Variants in EPHA6 observed in about 807,000 individuals in gnomAD.
EPHA6 encodes ephrin type-A receptor 6.
A neutral mutation model predicts 112.0 loss-of-function variants in EPHA6; 50 were observed. The ratio of observed to expected loss-of-function variants is 0.45; its 90% confidence interval spans 0.36 to 0.56. EPHA6 has a LOEUF of 0.56. EPHA6 is among the 20% of genes least tolerant of loss of function. The pLI, the probability that EPHA6 is intolerant of heterozygous loss-of-function variation, is 0.00. For synonymous variants in EPHA6, 529 were observed against 490.7 expected (o/e 1.08, Z -1.03); for missense variants, 1,280 against 1,417.4 (o/e 0.90, Z 1.56).
At chr3:97,129,286 T>G (rs1477796116) in intron 3 of EPHA6, among the ~76,000 whole-genome samples, 1 of 151,636 alleles carries the variant, frequency 6.6e-6, no homozygotes, top group Non-Finnish European at 1.5e-5. Context: ...GATCACGAGA[T>G]CAGGAGATCG....
intron 3 of EPHA6, among the ~76,000 whole-genome samples, chr3:97,085,736 T>G (rs1231519773): frequency 6.6e-6 from 1 of 151,982 alleles, no homozygotes; most frequent in African/African-American, 2.4e-5. Flanking sequence ...ACTGTACTAT[T>G]TATCTTAGGG....
chr3:97,027,700 A>G (rs910903539), intron 3 of EPHA6, among the ~76,000 whole-genome samples: 2 of 152,224 alleles, frequency 1.3e-5, no homozygotes, highest in Admixed American at 6.5e-5. Context: ...TTAATGCTTT[A>G]TAACAGTCTC....
intron 5 of EPHA6, among the ~76,000 whole-genome samples, chr3:97,358,514 A>T (rs1200535379): frequency 2.0e-5 from 3 of 152,312 alleles, no homozygotes; most frequent in East Asian, 3.9e-4. Flanking sequence ...CAATTGTACT[A>T]TCTTTTAGAG....
chr3:97,307,010 A>T (rs77545163), intron 5 of EPHA6, among the ~76,000 whole-genome samples: 2,098 of 151,822 alleles, frequency 0.014, 47 homozygotes, highest in African/African-American at 0.047. Context: ...TGTTGGTGAC[A>T]GTTGCCTAAT....
rs1015109444 is a variant in EPHA6 at position 97,751,839 on chromosome 3, G to C, written c.*3138G>C. ...TGTCTTGATCTATGCTACTGAGGGG[G>C]TGTTTTGGATTTTAAAACCAGACAG... On this transcript the variant is annotated 3_prime_UTR_variant, in exon 18 of 18. Transcript: ENST00000389672. Among the ~76,000 whole-genome samples, 11 of 152,058 alleles carry C rather than the reference G, an allele frequency of 7.2e-5. No homozygotes were observed. Among genetic ancestry groups the C allele is most frequent in the African/African-American group, 2.7e-4 (11 of 41,432 alleles).
intron 6 of EPHA6, among the ~76,000 whole-genome samples, chr3:97,425,028 G>C (rs577433766): frequency 6.6e-6 from 1 of 152,272 alleles, no homozygotes; most frequent in East Asian, 1.9e-4. Context: ...GATGCAAGAG[G>C]TGGGCTCCCA....
chr3:97,586,423 A>C (rs1462384478), intron 11 of EPHA6, among the ~76,000 whole-genome samples: 3 of 152,184 alleles, frequency 2.0e-5, no homozygotes, highest in Admixed American at 6.5e-5. Context: ...AAACTTATTG[A>C]ATCTCTAGCC....
At chr3:97,584,373 T>G (rs2093468782) in intron 11 of EPHA6, among the ~76,000 whole-genome samples, 1 of 152,144 alleles carries the variant, frequency 6.6e-6, no homozygotes, top group Non-Finnish European at 1.5e-5. Flanking sequence ...CAGGCTAAAA[T>G]CATCCAAGAG....
chr3:96,829,966 C>T (rs2033941026), intron 1 of EPHA6, among the ~76,000 whole-genome samples: 1 of 151,646 alleles, frequency 6.6e-6, no homozygotes, highest in African/African-American at 2.4e-5. Context: ...CACACACACA[C>T]ACACACACAC....
At chr3:97,024,266 A>G (rs527318160) in intron 3 of EPHA6, among the ~76,000 whole-genome samples, 3 of 152,246 alleles carry the variant, frequency 2.0e-5, no homozygotes, top group Non-Finnish European at 2.9e-5. Context: ...TTTATTTGAA[A>G]CCACTAATGC....
chr3:96,933,383 TG>T (rs1338230740), intron 2 of EPHA6, among the ~76,000 whole-genome samples: 1 of 152,212 alleles, frequency 6.6e-6, no homozygotes, highest in Non-Finnish European at 1.5e-5. Flanking sequence ...TGCAGGTTTT[TG>T]TTACTTACCT....
intron 2 of EPHA6, among the ~76,000 whole-genome samples, chr3:96,952,007 A>G (rs1264638581): frequency 6.6e-6 from 1 of 152,116 alleles, no homozygotes; most frequent in Non-Finnish European, 1.5e-5. Context: ...TGATATAAGG[A>G]CAGACTAGGT....
intron 2 of EPHA6, among the ~76,000 whole-genome samples, chr3:96,877,160 A>G (rs900573023): frequency 6.6e-5 from 10 of 152,158 alleles, no homozygotes; most frequent in Non-Finnish European, 1.2e-4. Context: ...GAATAATTTG[A>G]TACTAACTTT....
chr3:97,221,285 GGT>G (rs2078188146), intron 3 of EPHA6, among the ~76,000 whole-genome samples: 1 of 130,758 alleles, frequency 7.6e-6, no homozygotes, highest in Non-Finnish European at 1.5e-5. Flanking sequence ...ACTCCAGCCT[GGT>G]GACAGAGCAA....
At chr3:96,886,291 T>C (rs2037617147) in intron 2 of EPHA6, among the ~76,000 whole-genome samples, 1 of 152,200 alleles carries the variant, frequency 6.6e-6, no homozygotes, top group Non-Finnish European at 1.5e-5. Context: ...CTCCCACTAT[T>C]ATTGTGTTGC....
intron 3 of EPHA6, among the ~76,000 whole-genome samples, chr3:97,119,775 GTTTAC>G (rs935823847): frequency 1.8e-4 from 28 of 152,048 alleles, no homozygotes; most frequent in African/African-American, 5.8e-4. Context: ...TATTTTAGTT[GTTTAC>G]TTTAATCTGT....
intron 3 of EPHA6, among the ~76,000 whole-genome samples, chr3:97,029,581 G>T (rs1298714292): frequency 6.6e-6 from 1 of 152,010 alleles, no homozygotes; most frequent in East Asian, 1.9e-4. Context: ...TAGTTAACTG[G>T]AGCAGAGTAT....
At chr3:97,088,756 T>G (rs2046978858) in intron 3 of EPHA6, among the ~76,000 whole-genome samples, 1 of 152,146 alleles carries the variant, frequency 6.6e-6, no homozygotes, top group African/African-American at 2.4e-5. Context: ...CGTCAGCCTC[T>G]ATGATTTCCT....
At chr3:96,857,923 CTG>C (rs1559777834) in intron 1 of EPHA6, among the ~76,000 whole-genome samples, 2 of 152,026 alleles carry the variant, frequency 1.3e-5, no homozygotes, top group East Asian at 1.9e-4. Flanking sequence ...GAGCAGGTGA[CTG>C]TGAAATCTGA....
Sources: gnomAD v4.1 joint callset for allele counts (sites outside exome capture counted in the v4.1 genomes callset) on GRCh38, gnomAD v4.1.1 for gene constraint, MANE v1.5 for transcripts, NCBI Gene and HGNC (gene_info 2026-07-23, HGNC 2026-07-21) for gene names.